Variants in LGR6 observed in about 807,000 individuals in gnomAD.
LGR6 encodes leucine rich repeat containing G protein-coupled receptor 6, also known as leucine-rich repeat-containing G protein-coupled receptor 6.
LGR6 carries 45 observed loss-of-function variants against 69.4 expected under a neutral mutation model. The ratio of observed to expected loss-of-function variants is 0.65; its 90% CI spans 0.51 to 0.83. The LOEUF is 0.83. Ranked by LOEUF, LGR6 falls within the 40% of genes least tolerant of loss-of-function variation. The probability of loss-of-function intolerance (pLI) is 0.00; values close to 1 mark genes in which losing one functional copy is unlikely to be tolerated. For synonymous variants in LGR6, 538 were observed against 555.0 expected (o/e 0.97, Z 0.43); for missense variants, 1,108 against 1,246.7 (o/e 0.89, Z 1.68).
At chr1:202,279,791 G>A (rs1164288943) in intron 5 of LGR6, among the ~76,000 whole-genome samples, 2 of 152,102 alleles carry the variant, frequency 1.3e-5, no homozygotes, top group Non-Finnish European at 1.5e-5. Flanking sequence ...TTTTCTCTCC[G>A]ACACCAATTC....
chr1:202,197,770 A>G (rs998579802), intron 1 of LGR6, among the ~76,000 whole-genome samples: 6 of 152,378 alleles, frequency 3.9e-5, no homozygotes, highest in South Asian at 2.1e-4. Context: ...CACATGATGC[A>G]GAGACAGGAA....
At chr1:202,252,014 G>T (rs1385496979) in intron 4 of LGR6, among the ~76,000 whole-genome samples, 2 of 151,944 alleles carry the variant, frequency 1.3e-5, no homozygotes, top group Non-Finnish European at 2.9e-5. Flanking sequence ...TGGGTTGGAG[G>T]GGGTGTGGTG....
chr1:202,302,271 C>T (rs534648243), intron 9 of LGR6, among the ~76,000 whole-genome samples: 2 of 152,328 alleles, frequency 1.3e-5, no homozygotes, highest in South Asian at 2.1e-4. Context: ...TCATCTTCAT[C>T]GTAACCCTGT....
In LGR6 at chr1:202,220,224, AT is replaced by A. The variant is rs1031543213; in HGVS notation, c.213-5188del. Among the ~76,000 whole-genome samples the A allele has an allele frequency of 1.3e-3, 192 of 143,772 alleles. 1 individual carries two copies. Among genetic ancestry groups the A allele is most frequent in the African/African-American group, 3.8e-3 (148 of 39,052 alleles). 94.3% of individuals were successfully genotyped at this position (143,772 alleles called of 152,430 possible). A position where few individuals can be genotyped will look rare whatever the true frequency, so the allele number is the denominator to read the frequency against. On this transcript the variant is annotated intron_variant, in intron 1 of 17. Coordinates refer to ENST00000367278, the MANE Select transcript of LGR6 (RefSeq NM_001017403.2). ...ATTTACTCATATACTTCACACTACA[AT>A]TTTTTTTTTTGAGACAGAATCTCAT...
intron 14 of LGR6, 55 bp downstream of exon 14, chr1:202,307,456 G>A (rs1572012063): frequency 1.3e-6 from 2 of 1,541,968 alleles, no homozygotes; most frequent in East Asian, 4.5e-5. Context: ...GGGACTATGG[G>A]CTGGCCAATG....
At chr1:202,204,537 C>T (rs1318716782) in intron 1 of LGR6, among the ~76,000 whole-genome samples, 22 of 61,162 alleles carry the variant, frequency 3.6e-4, no homozygotes, top group Non-Finnish European at 3.6e-5. Context: ...ACACACACCT[C>T]CTTCAAACAC....
chr1:202,194,237 G>A (rs760182430), intron 1 of LGR6, 36 bp downstream of exon 1: 5 of 1,442,196 alleles, frequency 3.5e-6, no homozygotes, highest in Admixed American at 4.4e-5. Flanking sequence ...CTGGTCCTGC[G>A]GGCTGCTGGC....
chr1:202,199,102 A>G (rs1558000986), intron 1 of LGR6, among the ~76,000 whole-genome samples: 1 of 152,186 alleles, frequency 6.6e-6, no homozygotes, highest in Admixed American at 6.5e-5. Context: ...ATGAAAAACT[A>G]GAAAGTGGGA....
At chr1:202,238,075 T>TTTTTG (rs944948376) in intron 4 of LGR6, among the ~76,000 whole-genome samples, 9 of 151,966 alleles carry the variant, frequency 5.9e-5, no homozygotes, top group Non-Finnish European at 1.3e-4. Context: ...CTCCGCCGTT[T>TTTTTG]TTTTGTTTTG....
chr1:202,314,945 T>C, intron 17 of LGR6, 63 bp downstream of exon 17: 1 of 1,219,072 alleles, frequency 8.2e-7, no homozygotes, highest in Non-Finnish European at 1.2e-6. Flanking sequence ...AACCACCTAG[T>C]TGAGGTATTA....
At position 202,303,339 on chromosome 1, in the gene LGR6, G is replaced by A; in HGVS notation, c.990G>A (p.Leu330=). The A allele has an allele frequency of 5.0e-6, 8 of 1,613,394 alleles. No homozygotes were observed. Among genetic ancestry groups the A allele is most frequent in the Non-Finnish European group, 6.8e-6 (8 of 1,179,330 alleles). ...EFPDLKGTTS[L]EILTLTRAGI... ...CAGATCTCAAAGGCACCACCAGCCT[G>A]GAGATCCTGTGAGTGGCTTCTCTCT... Residue 330 remains leucine, a synonymous_variant, in exon 10 of 18, where the codon CTG becomes CTA. Transcript: ENST00000367278.
At chr1:202,207,570 G>A (rs1256270817) in intron 1 of LGR6, among the ~76,000 whole-genome samples, 1 of 152,154 alleles carries the variant, frequency 6.6e-6, no homozygotes, top group Non-Finnish European at 1.5e-5. Context: ...TCCCACAGAT[G>A]TCAGATCCTG....
intron 6 of LGR6, among the ~76,000 whole-genome samples, chr1:202,296,342 A>G (rs1255310428): frequency 1.3e-5 from 2 of 152,198 alleles, no homozygotes; most frequent in Non-Finnish European, 2.9e-5. Context: ...GTCGTTGACT[A>G]CTGAGTAAAA....
intron 3 of LGR6, among the ~76,000 whole-genome samples, chr1:202,233,987 A>G (rs916744231): frequency 2.0e-5 from 3 of 152,234 alleles, no homozygotes; most frequent in South Asian, 2.1e-4. Flanking sequence ...ATCTGTGACA[A>G]CTATACTGTA....
At position 202,275,109 on chromosome 1, in the gene LGR6, A is replaced by T. The variant is rs553381281; in HGVS notation, c.429-1197A>T. Among the ~76,000 whole-genome samples, 7 of 152,080 alleles carry T rather than the reference A, an allele frequency of 4.6e-5. No homozygotes were observed. The East Asian group carries it at 1.2e-3, about 25-fold the overall frequency. On this transcript the variant is annotated intron_variant, in intron 4 of 17. Transcript: ENST00000367278. ...GGATGAAAGAATATCACCCCATCCCACCCTACTGATCATATCACTTCTCCT... is the reference window on the plus strand; with the variant it reads ...GGATGAAAGAATATCACCCCATCCCTCCCTACTGATCATATCACTTCTCCT...
intron 1 of LGR6, 72 bp downstream of exon 1, chr1:202,194,273 G>A (rs1435158204): frequency 1.7e-6 from 2 of 1,149,778 alleles, no homozygotes; most frequent in African/African-American, 1.6e-5. Context: ...GCCTCAGCAG[G>A]GCACCTGCTT....
chr1:202,319,439 TC>T lies in LGR6; in HGVS notation c.*234del, dbSNP rs1279451299. 5.9e-6 allele frequency: 3 copies of T among 505,234 alleles called. No individual in the cohort carries two copies. Among genetic ancestry groups the T allele is most frequent in the Admixed American group, 7.6e-5 (2 of 26,394 alleles). The allele number at this position is 505,234 out of a possible 1,614,324, so 31.3% of individuals were successfully genotyped here. On this transcript the variant is annotated 3_prime_UTR_variant, in exon 18 of 18. Coordinates refer to ENST00000367278, the MANE Select transcript of LGR6 (RefSeq NM_001017403.2). ...AGCTTCACCTTGATACTGGGCCTCT[TC>T]CTTGTCATGTCTGAAGCTGTGGACC...
Position 202,193,994 on chromosome 1 carries a change from C to T in LGR6, c.5C>T (p.Pro2Leu). The T allele has an allele frequency of 7.3e-7, 1 of 1,372,766 alleles. No individual in the cohort carries two copies. Among genetic ancestry groups the T allele is most frequent in the South Asian group, 1.6e-5 (1 of 62,154 alleles). The allele number at this position is 1,372,766 out of a possible 1,614,324, so 85.0% of individuals were successfully genotyped here. A position where few individuals can be genotyped will look rare whatever the true frequency, so the allele number is the denominator to read the frequency against. ...CCCAGTAGCCCGACCGCCGAGATGC[C>T]CAGCCCGCCGGGGCTCCGGGCGCTA... M[P>L]SPPGLRALWL... The change falls in exon 1 of 18, where the codon CCC becomes CTC. Residue 2 changes from proline (P) to leucine (L), a missense_variant. Transcript: ENST00000367278.
chr1:202,249,021 G>A (rs977735498), intron 4 of LGR6, among the ~76,000 whole-genome samples: 2 of 152,128 alleles, frequency 1.3e-5, no homozygotes, highest in Admixed American at 6.5e-5. Flanking sequence ...CATCTCCTGC[G>A]TGATAGATAC....
Sources: allele counts gnomAD v4.1 joint callset (sites outside exome capture counted in the v4.1 genomes callset), GRCh38; gene constraint gnomAD v4.1.1; transcripts MANE v1.5; gene names NCBI Gene and HGNC (gene_info 2026-07-23, HGNC 2026-07-21).